The following ADD1 variants were observed in gnomAD, a reference collection of about 807,000 sequenced individuals.
ADD1 encodes the protein adducin 1.
A neutral mutation model predicts 80.5 loss-of-function variants in ADD1; 24 were observed. The observed-to-expected ratio is 0.30, with a 90% confidence interval of 0.22 to 0.42. The LOEUF is 0.42. Among genes scored for constraint, ADD1 ranks in the 10% least tolerant of loss-of-function variants. ADD1 has a pLI of 1.00. For synonymous variants in ADD1, 373 were observed against 393.8 expected, an observed-to-expected ratio of 0.95 and a Z score of 0.63; for missense variants, 948 against 1,019.0, an observed-to-expected ratio of 0.93 and a Z score of 0.95.
chr4:2,852,127 C>T (rs1727181095), intron 1 of ADD1, among the ~76,000 whole-genome samples: 1 of 146,484 alleles, frequency 6.8e-6, no homozygotes, highest in Non-Finnish European at 1.5e-5. Context: ...TGAGCCACAG[C>T]ACCCGGCCTC....
intron 4 of ADD1, among the ~76,000 whole-genome samples, chr4:2,893,281 GAA>G (rs1303022792): frequency 7.2e-6 from 1 of 139,060 alleles, no homozygotes. Context: ...CTGCAGCAAG[GAA>G]AAAAAAAAAA....
At chr4:2,845,912 CTT>C (rs1267293509) in intron 1 of ADD1, among the ~76,000 whole-genome samples, 2 of 152,146 alleles carry the variant, frequency 1.3e-5, no homozygotes, top group African/African-American at 4.8e-5. Context: ...ATGTTTACCT[CTT>C]AACATATACA....
chr4:2,914,656 A>T, intron 13 of ADD1: 1 of 450,666 alleles, frequency 2.2e-6, no homozygotes, highest in Non-Finnish European at 3.9e-6. Flanking sequence ...GCTCTGTAGG[A>T]TTTCTTTTGT....
intron 14 of ADD1, among the ~76,000 whole-genome samples, chr4:2,920,095 TACCC>T (rs1739748716): frequency 6.6e-6 from 1 of 152,238 alleles, no homozygotes; most frequent in Non-Finnish European, 1.5e-5. Flanking sequence ...TTTTGTTATT[TACCC>T]AGTAGTCATT....
At chr4:2,925,919 C>T (rs36207100) in intron 14 of ADD1, 95 bp from the exon 15 acceptor site, 14,531 of 984,284 alleles carry the variant, frequency 0.015, 127 homozygotes, top group Non-Finnish European at 0.019. Flanking sequence ...TCTCAGAGGG[C>T]GGCCGAGCGG....
intron 1 of ADD1, chr4:2,844,965 G>A (rs769471660): frequency 6.6e-6 from 1 of 152,126 alleles, no homozygotes; most frequent in Non-Finnish European, 1.5e-5. Context: ...GAGTGGATGA[G>A]TAGGAGTTCA....
intron 3 of ADD1, 127 bp from the exon 4 acceptor site, chr4:2,884,388 G>C (rs1384201967): frequency 5.0e-5 from 29 of 584,880 alleles, no homozygotes; most frequent in Non-Finnish European, 2.2e-5. Flanking sequence ...ATTCACAGCT[G>C]CTATCATAAG....
rs1243804647 is a variant in ADD1 at position 2,926,155 on chromosome 4, C to CG, written c.2047+45dup. On this transcript the variant is annotated intron_variant, in intron 15 of 15. Coordinates refer to ENST00000683351, the MANE Select transcript of ADD1 (RefSeq NM_001354761.2). The surrounding 1 kb of genome is among the most constrained non-coding windows in gnomAD (Gnocchi z 5.0). The stretch of plus-strand genomic sequence containing the variant: ...GCGGCCGCCACTGTGGGAGGGTGCA[C>CG]GGCTCGTGCGCGCTGTGGCGGAATG... The CG allele has an allele frequency of 1.3e-6, 2 of 1,536,806 alleles. No homozygotes were observed. Among genetic ancestry groups the CG allele is most frequent in the Admixed American group, 3.4e-5 (2 of 59,662 alleles).
At chr4:2,911,448 A>ATTTTTTTT (rs33935514) in intron 13 of ADD1, among the ~76,000 whole-genome samples, 6 of 130,492 alleles carry the variant, frequency 4.6e-5, no homozygotes, top group Non-Finnish European at 9.7e-5. Context: ...ATATATATAT[A>ATTTTTTTT]TTTTTTTTTT....
chr4:2,890,232 C>A (rs1313122596), intron 4 of ADD1, among the ~76,000 whole-genome samples: 2 of 150,832 alleles, frequency 1.3e-5, no homozygotes, highest in Non-Finnish European at 3.0e-5. Flanking sequence ...GAATAGATAA[C>A]TGTCAGTAAG....
At chr4:2,903,393 C>G (rs1202995299) in intron 9 of ADD1, among the ~76,000 whole-genome samples, 4 of 152,186 alleles carry the variant, frequency 2.6e-5, no homozygotes, top group Non-Finnish European at 5.9e-5. Context: ...CATTTATTTC[C>G]TAGCTTCTGT....
At chr4:2,894,819 A>G in intron 6 of ADD1, 88 bp downstream of exon 6, 1 of 1,378,926 alleles carries the variant, frequency 7.3e-7, no homozygotes, top group Non-Finnish European at 9.7e-7. Context: ...CTTGTTGTTT[A>G]TAGTCAGTAA....
chr4:2,899,749 A>G (rs927173170), intron 9 of ADD1: 3 of 401,400 alleles, frequency 7.5e-6, no homozygotes, highest in Admixed American at 7.5e-5. Context: ...TCCCACAAGC[A>G]AGCGAGAGAG....
At chr4:2,924,948 A>T (rs536799559) in intron 14 of ADD1, among the ~76,000 whole-genome samples, 1 of 152,314 alleles carries the variant, frequency 6.6e-6, no homozygotes, top group East Asian at 1.9e-4. Flanking sequence ...AAACAAGTCA[A>T]ACAAGATATG....
Position 2,928,203 on chromosome 4 carries a change from A to G in ADD1, c.2080A>G (p.Ser694Gly). Residue 694 changes from serine (S) to glycine (G), a missense_variant, in exon 16 of 16, where the codon AGT becomes GGT. Physicochemically the swap from Ser to Gly is moderately conservative, Grantham distance 56 (BLOSUM62 0). Transcript: ENST00000683351. Reference sequence around the variant, plus strand: ...GCCGGAGCCGACTACTGGAGATGACAGTGATGCTGCCACCTTTAAGCCAAC... The same window carrying G: ...GCCGGAGCCGACTACTGGAGATGACGGTGATGCTGCCACCTTTAAGCCAAC... ...LVPEPTTGDD[S>G]DAATFKPTLP... 2 of 1,614,102 alleles carry G rather than the reference A, an allele frequency of 1.2e-6. No homozygotes were observed. Among genetic ancestry groups the G allele is most frequent in the Non-Finnish European group, 8.5e-7 (1 of 1,180,018 alleles).
chr4:2,926,538 A>T lies in ADD1; in HGVS notation c.2047+426A>T. On this transcript the variant is annotated intron_variant, in intron 15 of 15. Coordinates refer to ENST00000683351, the MANE Select transcript of ADD1 (RefSeq NM_001354761.2). This position sits in a 1 kb window ranked among gnomAD's most constrained non-coding sequence, Gnocchi z 5.0. The stretch of plus-strand genomic sequence containing the variant: ...GTCTCGTACATCCATGTCTCTCGTG[A>T]AGCCCGTGGCCCTGCCTTTCTTCTT... 1 of 1,247,762 alleles carries T rather than the reference A, an allele frequency of 8.0e-7. No homozygotes were observed. The highest frequency in any genetic ancestry group is 1.3e-5 in the South Asian group (1 of 78,820). 77.3% of individuals were successfully genotyped at this position (1,247,762 alleles called of 1,614,324 possible).
At chr4:2,908,988 GT>G in intron 12 of ADD1, 1 of 441,940 alleles carries the variant, frequency 2.3e-6, no homozygotes, top group African/African-American at 2.0e-5. Flanking sequence ...TGCTGCTTGG[GT>G]TGCAGAGGGG....
chr4:2,913,212 A>C (rs375773045), intron 13 of ADD1, among the ~76,000 whole-genome samples: 2 of 152,344 alleles, frequency 1.3e-5, no homozygotes, highest in African/African-American at 4.8e-5. Flanking sequence ...AATGAACTTA[A>C]GCATTTCTCT....
intron 14 of ADD1, among the ~76,000 whole-genome samples, chr4:2,919,191 C>T (rs552640637): frequency 4.6e-5 from 7 of 152,232 alleles, no homozygotes; most frequent in South Asian, 4.1e-4. Flanking sequence ...CCAACTTGAT[C>T]GTGGTGGATA....
Sources: allele counts gnomAD v4.1 joint callset (sites outside exome capture counted in the v4.1 genomes callset), GRCh38; gene constraint gnomAD v4.1.1; non-coding constraint Gnocchi (gnomAD v3.1); transcripts MANE v1.5; gene names NCBI Gene and HGNC (gene_info 2026-07-23, HGNC 2026-07-21).